TBCD: variants seen among roughly 807,000 people sequenced by gnomAD.
The protein encoded by TBCD is tubulin folding cofactor D, also known as tubulin-specific chaperone D.
A neutral mutation model predicts 169.3 loss-of-function variants in TBCD; 105 were observed. The ratio of observed to expected loss-of-function variants is 0.62; its 90% CI spans 0.53 to 0.73. The LOEUF is 0.73. Ranked by LOEUF, TBCD falls within the 30% of genes least tolerant of loss-of-function variation. The pLI is 0.00. For synonymous variants in TBCD, 700 were observed against 643.9 expected (o/e 1.09, Z -1.32); for missense variants, 1,444 against 1,600.1 (o/e 0.90, Z 1.66).
intron 7 of TBCD, among the ~76,000 whole-genome samples, chr17:82,792,544 G>A (rs543374741): frequency 6.6e-6 from 1 of 152,338 alleles, no homozygotes; most frequent in South Asian, 2.1e-4. Flanking sequence ...GACGTAGGAA[G>A]CCACAATCAT....
chr17:82,875,530 A>G lies in TBCD; in HGVS notation c.1475+5150A>G, dbSNP rs564378723. On this transcript the variant is annotated intron_variant, in intron 14 of 38. Coordinates refer to ENST00000355528, the MANE Select transcript of TBCD (RefSeq NM_005993.5). The stretch of plus-strand genomic sequence containing the variant: ...TGACATCAGCTCCGCCCAGGCAGCC[A>G]CGGGGCCCTCCCCTGCCAGGGGGCA... Among the ~76,000 whole-genome samples, 9 of 152,360 alleles carry G rather than the reference A, an allele frequency of 5.9e-5. No homozygotes were observed. In the South Asian group the frequency reaches 1.9e-3, roughly 32 times the overall value.
intron 17 of TBCD, among the ~76,000 whole-genome samples, chr17:82,896,355 A>G (rs910772545): frequency 3.3e-5 from 5 of 151,744 alleles, no homozygotes; most frequent in African/African-American, 7.3e-5. Flanking sequence ...GGGTTGTCAC[A>G]GGTGCAGCTG....
intron 34 of TBCD, among the ~76,000 whole-genome samples, chr17:82,935,216 TCACC>T (rs1741379120): frequency 6.6e-6 from 1 of 152,254 alleles, no homozygotes; most frequent in South Asian, 2.1e-4. Flanking sequence ...CTTGCCCTTA[TCACC>T]CATTTCTAGG....
At position 82,903,406 on chromosome 17, in the gene TBCD, G is replaced by A. The variant is rs1247926834; in HGVS notation, c.1732G>A (p.Val578Ile). 11 of 1,601,160 alleles carry A rather than the reference G, an allele frequency of 6.9e-6. No homozygotes were observed. Among genetic ancestry groups the A allele is most frequent in the South Asian group, 1.1e-5 (1 of 88,478 alleles). The part of the protein sequence containing the change: ...VTMKISHWDG[V>I]IRELAARALH... ...ACGACATTCTCTCCTCACTCTCAGG[G>A]TCATCCGAGAGTTGGCTGCGAGGGC... is the stretch of plus-strand genomic sequence containing the variant. The change falls in exon 19 of 39, where the codon GTC becomes ATC. Residue 578 changes from valine to isoleucine, a missense_variant and splice_region_variant. Val to Ile is a conservative substitution (Grantham distance 29). Transcript: ENST00000355528. The surrounding 1 kb of genome is among the most constrained non-coding windows in gnomAD (Gnocchi z 4.8).
chr17:82,830,205 C>T (rs2053353387), intron 13 of TBCD: 1 of 1,614,262 alleles, frequency 6.2e-7, no homozygotes, highest in South Asian at 1.1e-5. Flanking sequence ...GCTTCGCCTT[C>T]TTAGCTCCTT....
Position 82,831,120 on chromosome 17 carries a change from G to C in TBCD, c.1318+16186G>C, listed in dbSNP as rs1431265057. Reference sequence around the variant, plus strand: ...CTGTGAGGCTTTGCTCTGGCGGGTAGAGTCTTCCCAGTGCGCTGGAGGCTG... The same window carrying C: ...CTGTGAGGCTTTGCTCTGGCGGGTACAGTCTTCCCAGTGCGCTGGAGGCTG... On this transcript the variant is annotated intron_variant, in intron 13 of 38. Coordinates refer to ENST00000355528, the MANE Select transcript of TBCD (RefSeq NM_005993.5). This position sits in a 1 kb window ranked among gnomAD's most constrained non-coding sequence, Gnocchi z 4.6. The C allele has an allele frequency of 6.2e-7, 1 of 1,614,078 alleles. No individual in the cohort carries two copies.
intron 13 of TBCD, chr17:82,838,521 G>A (rs1598835617): frequency 4.2e-6 from 2 of 472,910 alleles, no homozygotes; most frequent in Non-Finnish European, 5.5e-6. Context: ...GGAGCATTGT[G>A]AAGGGCATGC....
intron 20 of TBCD, among the ~76,000 whole-genome samples, chr17:82,906,837 G>T (rs1214963476): frequency 6.6e-6 from 1 of 152,260 alleles, no homozygotes; most frequent in Non-Finnish European, 1.5e-5. Flanking sequence ...GCTCGCTCGT[G>T]TGGGTGCAGC....
intron 19 of TBCD, among the ~76,000 whole-genome samples, chr17:82,905,022 T>G (rs2060136812): frequency 6.6e-6 from 1 of 152,212 alleles, no homozygotes; most frequent in Admixed American, 6.5e-5. Context: ...CTGGCAGCAC[T>G]TGGGGAGGCT....
chr17:82,912,007 T>C (rs759152999), intron 23 of TBCD, among the ~76,000 whole-genome samples: 2 of 152,160 alleles, frequency 1.3e-5, no homozygotes, highest in African/African-American at 2.4e-5. Context: ...AAAGAGGAAG[T>C]TGTGAGCTGG....
chr17:82,926,575 G>A (rs2061781177), intron 28 of TBCD, 84 bp downstream of exon 28: 5 of 1,180,036 alleles, frequency 4.2e-6, no homozygotes, highest in African/African-American at 3.0e-5. Flanking sequence ...TTTGCTCAGA[G>A]GCAGGACTTA....
chr17:82,790,201 G>A (rs865830342), intron 7 of TBCD, among the ~76,000 whole-genome samples: 7 of 152,022 alleles, frequency 4.6e-5, no homozygotes, highest in South Asian at 4.2e-4. Flanking sequence ...TGGGCTCCCC[G>A]ACTACCCTCC....
At chr17:82,921,666 A>T (rs2061427677) in intron 25 of TBCD, 89 bp downstream of exon 25, 1 of 1,235,442 alleles carries the variant, frequency 8.1e-7, no homozygotes, top group Non-Finnish European at 1.2e-6. Flanking sequence ...ACTGTGCATC[A>T]TGAGGCTGTC....
chr17:82,759,947 C>T (rs1055099293), intron 2 of TBCD, among the ~76,000 whole-genome samples: 89 of 145,032 alleles, frequency 6.1e-4, no homozygotes, highest in African/African-American at 2.1e-3. Flanking sequence ...AGTGCAGTGG[C>T]GTGTTCTTGG....
chr17:82,806,991 A>G lies in TBCD; in HGVS notation c.1088-617A>G, dbSNP rs1273662320. Among the ~76,000 whole-genome samples the G allele has an allele frequency of 6.6e-6, 1 of 152,106 alleles. No individual in the cohort carries two copies. The highest frequency in any genetic ancestry group is 1.5e-5 in the Non-Finnish European group (1 of 68,000). On this transcript the variant is annotated intron_variant, in intron 10 of 38. Coordinates refer to ENST00000355528, the MANE Select transcript of TBCD (RefSeq NM_005993.5). The surrounding 1 kb of genome is among the most constrained non-coding windows in gnomAD (Gnocchi z 5.1). ...GCTGCAGGCAGTCCCCCCTGCCCGC[A>G]TTCCAGCTGCTGTGCTGGCTCCAGA... is the stretch of plus-strand genomic sequence containing the variant.
At chr17:82,939,029 C>T (rs1196897074) in intron 36 of TBCD, 1 of 394,442 alleles carries the variant, frequency 2.5e-6, no homozygotes, top group African/African-American at 2.1e-5. Flanking sequence ...GAGATTGCTT[C>T]TCTGGTGAGG....
At chr17:82,850,523 GGCTGTGCTGTTGTTA>G (rs1393572922) in intron 13 of TBCD, among the ~76,000 whole-genome samples, 1,530 of 98,262 alleles carry the variant, frequency 0.016, 76 homozygotes, top group African/African-American at 0.035. Flanking sequence ...TGCTGTTGTT[GGCTGTGCTGTTGTTA>G]GCTGTGCTGT....
intron 7 of TBCD, among the ~76,000 whole-genome samples, chr17:82,793,641 G>A (rs547983049): frequency 2.6e-5 from 4 of 152,306 alleles, no homozygotes; most frequent in Non-Finnish European, 4.4e-5. Context: ...TGGTGGGCTC[G>A]CTGCAGCACA....
chr17:82,780,645 CTTTTTTTT>C (rs36145167), intron 6 of TBCD, among the ~76,000 whole-genome samples: 35 of 104,726 alleles, frequency 3.3e-4, no homozygotes, highest in South Asian at 2.4e-3. Flanking sequence ...AAGACTTGGG[CTTTTTTTT>C]TTTTTTTTTG....
Sources: allele counts gnomAD v4.1 joint callset (sites outside exome capture counted in the v4.1 genomes callset), GRCh38; gene constraint gnomAD v4.1.1; non-coding constraint Gnocchi (gnomAD v3.1); transcripts MANE v1.5; gene names NCBI Gene and HGNC (gene_info 2026-07-23, HGNC 2026-07-21).